WDTC1: variants seen among roughly 807,000 people sequenced by gnomAD.
WDTC1 encodes the protein WD and tetratricopeptide repeats 1, also known as WD and tetratricopeptide repeats protein 1.
A neutral mutation model predicts 76.0 loss-of-function variants in WDTC1; 12 were observed. The observed-to-expected ratio is 0.16, with a 90% CI of 0.10 to 0.26. WDTC1 has a LOEUF of 0.26. WDTC1 is among the 10% of genes least tolerant of loss of function. WDTC1 has a pLI of 1.00. For synonymous variants in WDTC1, 326 were observed against 350.8 expected, an observed-to-expected ratio of 0.93 and a Z score of 0.79; for missense variants, 511 against 908.8, an observed-to-expected ratio of 0.56 and a Z score of 5.63.
At chr1:27,237,145 AT>A (rs1454517214) in intron 1 of WDTC1, among the ~76,000 whole-genome samples, 1 of 151,312 alleles carries the variant, frequency 6.6e-6, no homozygotes, top group African/African-American at 2.4e-5. Context: ...CTCTCCTTTT[AT>A]TTTTATTTTT....
chr1:27,280,797 T>C (rs2013164487), intron 3 of WDTC1, among the ~76,000 whole-genome samples: 1 of 152,210 alleles, frequency 6.6e-6, no homozygotes, highest in African/African-American at 2.4e-5. Flanking sequence ...CACTGGGTTG[T>C]AGTTAAGAGA....
intron 1 of WDTC1, among the ~76,000 whole-genome samples, chr1:27,257,241 C>T (rs868203071): frequency 6.6e-6 from 1 of 152,072 alleles, no homozygotes; most frequent in African/African-American, 2.4e-5. Context: ...ATTTGAGCTC[C>T]ACAGCAGCCT....
At chr1:27,240,374 A>C (rs1005159993) in intron 1 of WDTC1, among the ~76,000 whole-genome samples, 7 of 152,116 alleles carry the variant, frequency 4.6e-5, no homozygotes, top group African/African-American at 1.7e-4. Flanking sequence ...TAGCTCTGTG[A>C]CCTAGGGCCA....
intron 5 of WDTC1, among the ~76,000 whole-genome samples, chr1:27,285,687 C>T (rs1215891693): frequency 6.6e-6 from 1 of 150,522 alleles, no homozygotes; most frequent in Non-Finnish European, 1.5e-5. Context: ...GGCAAGATCT[C>T]GGCTCACCGC....
rs1348508664 is a variant in WDTC1, at chr1:27,287,827, A to T, written c.445A>T (p.Thr149Ser). 1 of 1,613,782 alleles carries T rather than the reference A, an allele frequency of 6.2e-7. No individual in the cohort carries two copies. Among genetic ancestry groups the T allele is most frequent in the Non-Finnish European group, 8.5e-7 (1 of 1,179,846 alleles). ...CGCCACAGCGCCCATGTGGCCCAAC[A>T]CATTCTGGAGTGCTGCTGAGGATGG... ...RIATAPMWPNTFWSAAEDGLI... is the reference protein window; with the variant it reads ...RIATAPMWPNSFWSAAEDGLI... The change falls in exon 6 of 16, where the codon ACA becomes TCA. Residue 149 changes from threonine (T) to serine (S), a missense_variant. Coordinates refer to ENST00000319394, the MANE Select transcript of WDTC1 (RefSeq NM_001276252.2).
At chr1:27,296,857 C>T (rs550253453) in intron 10 of WDTC1, among the ~76,000 whole-genome samples, 191 bp from the exon 11 acceptor site, 128 of 146,614 alleles carry the variant, frequency 8.7e-4, no homozygotes, top group African/African-American at 3.2e-3. Flanking sequence ...AGTTGTGTCC[C>T]TCGCCAGCCA....
intron 1 of WDTC1, among the ~76,000 whole-genome samples, chr1:27,252,116 C>T (rs951326747): frequency 6.6e-6 from 1 of 151,302 alleles, no homozygotes; most frequent in African/African-American, 2.4e-5. Context: ...GAGGCTGAGA[C>T]GAGAGGATTG....
Position 27,297,920 on chromosome 1 carries a change from G to C in WDTC1, c.1059-18G>C. ...GACCTTCTTTGACTGTTCTGACTTG[G>C]CTCTATTTCCCCTGCAGCCCCCAAG... On this transcript the variant is annotated intron_variant, in intron 11 of 15. Transcript: ENST00000319394. The C allele has an allele frequency of 1.3e-6, 2 of 1,599,578 alleles. No homozygotes were observed. The highest frequency in any genetic ancestry group is 8.5e-7 in the Non-Finnish European group (1 of 1,170,550).
chr1:27,295,388 C>T (rs143365181), intron 9 of WDTC1, among the ~76,000 whole-genome samples: 1 of 152,108 alleles, frequency 6.6e-6, no homozygotes, highest in African/African-American at 2.4e-5. Context: ...AGGAGTAGTG[C>T]TAGGGTAAAC....
chr1:27,305,280 G>A lies in WDTC1; in HGVS notation c.1836+87G>A. On this transcript the variant is annotated intron_variant, in intron 15 of 15. Coordinates refer to ENST00000319394, the MANE Select transcript of WDTC1 (RefSeq NM_001276252.2). This position sits in a 1 kb window ranked among gnomAD's most constrained non-coding sequence, Gnocchi z 4.6. ...CTGCTAGCGCAGGGAAGAGAAATGA[G>A]CCACCCAGAGGCTAGAAGCTGCTAA... The A allele has an allele frequency of 2.1e-6, 3 of 1,462,852 alleles. No homozygotes were observed. The highest frequency in any genetic ancestry group is 2.4e-5 in the East Asian group (1 of 41,290). The allele number at this position is 1,462,852 out of a possible 1,614,324, so 90.6% of individuals were successfully genotyped here.
At chr1:27,242,801 C>T (rs766003205) in intron 1 of WDTC1, among the ~76,000 whole-genome samples, 3 of 152,102 alleles carry the variant, frequency 2.0e-5, no homozygotes, top group African/African-American at 4.8e-5. Flanking sequence ...AACAGCAATA[C>T]GGAGCCCACT....
chr1:27,242,508 C>T (rs1409154770), intron 1 of WDTC1, among the ~76,000 whole-genome samples: 2 of 151,476 alleles, frequency 1.3e-5, no homozygotes, highest in African/African-American at 2.4e-5. Context: ...TCGCTCCTGT[C>T]GCCCAGGCTG....
At position 27,306,712 on chromosome 1, in the gene WDTC1, A is replaced by C. The variant is rs2013964950; in HGVS notation, c.*329A>C. 2.6e-6 allele frequency: 1 copy of C among 380,304 alleles called. No individual in the cohort carries two copies. Among genetic ancestry groups the C allele is most frequent in the Admixed American group, 4.1e-5 (1 of 24,540 alleles). 23.6% of individuals were successfully genotyped at this position (380,304 alleles called of 1,614,324 possible). The stretch of plus-strand genomic sequence containing the variant: ...CCTTCTGCCTCAGGTGGGGAGGAAC[A>C]AGCTGAACTGTCTTCAGGGACTGTC... On this transcript the variant is annotated 3_prime_UTR_variant, in exon 16 of 16. Transcript: ENST00000319394. The surrounding 1 kb of genome is among the most constrained non-coding windows in gnomAD (Gnocchi z 5.0).
chr1:27,289,456 C>G (rs2013461402), intron 6 of WDTC1, among the ~76,000 whole-genome samples: 1 of 151,228 alleles, frequency 6.6e-6, no homozygotes, highest in Non-Finnish European at 1.5e-5. Flanking sequence ...TCCTCACTTC[C>G]TAGATGGGAT....
At chr1:27,254,780 G>A (rs1442209663) in intron 1 of WDTC1, among the ~76,000 whole-genome samples, 1 of 152,012 alleles carries the variant, frequency 6.6e-6, no homozygotes, top group Non-Finnish European at 1.5e-5. Flanking sequence ...TTACAGGCAT[G>A]CACCACCACG....
chr1:27,250,822 T>C (rs1557479670), intron 1 of WDTC1, among the ~76,000 whole-genome samples: 1 of 151,964 alleles, frequency 6.6e-6, no homozygotes, highest in African/African-American at 2.4e-5. Flanking sequence ...CTTGGCATTA[T>C]GATTAGACTA....
At chr1:27,288,777 G>A (rs1261579994) in intron 6 of WDTC1, among the ~76,000 whole-genome samples, 3 of 151,860 alleles carry the variant, frequency 2.0e-5, no homozygotes, top group South Asian at 2.1e-4. Context: ...GCAACCATCC[G>A]ATTTCTCAAT....
At chr1:27,288,354 A>AT (rs2013405760) in intron 6 of WDTC1, among the ~76,000 whole-genome samples, 1 of 150,618 alleles carries the variant, frequency 6.6e-6, no homozygotes, top group African/African-American at 2.5e-5. Context: ...ATTTTTATTT[A>AT]TTTATTTTTT....
At chr1:27,243,022 TC>T (rs1341903973) in intron 1 of WDTC1, among the ~76,000 whole-genome samples, 3 of 152,126 alleles carry the variant, frequency 2.0e-5, no homozygotes, top group Non-Finnish European at 4.4e-5. Context: ...CCAGAAACTG[TC>T]CTTGTACCAA....
Sources: gnomAD v4.1 joint callset for allele counts (sites outside exome capture counted in the v4.1 genomes callset) on GRCh38, gnomAD v4.1.1 for gene constraint, Gnocchi (gnomAD v3.1) non-coding constraint, MANE v1.5 for transcripts, NCBI Gene and HGNC (gene_info 2026-07-23, HGNC 2026-07-21) for gene names.